ERBB4: variants seen among roughly 807,000 people sequenced by gnomAD.
ERBB4 encodes erb-b2 receptor tyrosine kinase 4, also known as receptor tyrosine-protein kinase erbB-4.
Under a neutral mutation model 158.0 loss-of-function variants are expected in ERBB4, and 42 were observed. That is an observed-to-expected ratio of 0.27 (90% CI 0.21 to 0.34). The LOEUF is 0.34. Among genes scored for constraint, ERBB4 ranks in the 10% least tolerant of loss-of-function variants. ERBB4 has a pLI of 1.00. For missense variants in ERBB4, 1,333 were observed against 1,624.1 expected (o/e 0.82, Z 3.08); for synonymous variants, 583 against 558.7 (o/e 1.04, Z -0.61).
chr2:212,103,661 G>T (rs2079145408), intron 2 of ERBB4, among the ~76,000 whole-genome samples: 1 of 150,970 alleles, frequency 6.6e-6, no homozygotes, highest in South Asian at 2.1e-4. Context: ...GGAATGGAGG[G>T]ATTCATTAGA....
intron 20 of ERBB4, among the ~76,000 whole-genome samples, chr2:211,452,102 G>C (rs1457628553): frequency 6.6e-6 from 1 of 152,134 alleles, no homozygotes; most frequent in Non-Finnish European, 1.5e-5. Context: ...CACTGCACCT[G>C]ATTTGAAGAT....
intron 1 of ERBB4, among the ~76,000 whole-genome samples, chr2:212,284,197 C>T (rs987485432): frequency 2.6e-5 from 4 of 152,090 alleles, no homozygotes; most frequent in Non-Finnish European, 5.9e-5. Flanking sequence ...GAAACTCCAT[C>T]TGAGTCTCTA....
At chr2:212,166,666 G>A (rs890629192) in intron 1 of ERBB4, among the ~76,000 whole-genome samples, 1 of 151,924 alleles carries the variant, frequency 6.6e-6, no homozygotes, top group Admixed American at 6.6e-5. Context: ...CAAAACGGGA[G>A]GCATCACGCT....
chr2:212,028,098 A>G (rs906767170), intron 2 of ERBB4, among the ~76,000 whole-genome samples: 1 of 152,100 alleles, frequency 6.6e-6, no homozygotes, highest in African/African-American at 2.4e-5. Flanking sequence ...TGTGAATGCC[A>G]ACACTTCCTT....
Position 211,429,761 on chromosome 2 carries a change from C to G in ERBB4, c.2643+1184G>C, listed in dbSNP as rs572493344. ...ACATTGAAAGTAATTTCCCTACGGG[C>G]AAGGAGTTAGCAGACTTTATGGACT... is the stretch of plus-strand genomic sequence containing the variant. On this transcript the variant is annotated intron_variant, in intron 21 of 27. Transcript: ENST00000342788. 1.4e-4 allele frequency among the ~76,000 whole-genome samples: 22 copies of G among 152,300 alleles called. 1 individual carries two copies. In the South Asian group the frequency reaches 3.3e-3, roughly 23 times the overall value.
chr2:212,184,287 C>A (rs975572605), intron 1 of ERBB4, among the ~76,000 whole-genome samples: 1 of 152,012 alleles, frequency 6.6e-6, no homozygotes, highest in African/African-American at 2.4e-5. Context: ...TAATCATGTT[C>A]TAAGACCCTG....
intron 1 of ERBB4, among the ~76,000 whole-genome samples, chr2:212,165,850 A>G (rs562044292): frequency 6.6e-6 from 1 of 152,228 alleles, no homozygotes; most frequent in East Asian, 1.9e-4. Flanking sequence ...ACACAATGCC[A>G]ACTGTCACAT....
At chr2:212,421,378 G>A (rs901896457) in intron 1 of ERBB4, among the ~76,000 whole-genome samples, 2 of 152,000 alleles carry the variant, frequency 1.3e-5, no homozygotes, top group African/African-American at 4.8e-5. Flanking sequence ...CAGACTAAAG[G>A]CTCTTCATGC....
intron 20 of ERBB4, among the ~76,000 whole-genome samples, chr2:211,533,079 A>T (rs2066545051): frequency 6.6e-6 from 1 of 151,750 alleles, no homozygotes; most frequent in Admixed American, 6.6e-5. Context: ...TATATCATGT[A>T]GATATTTCTA....
intron 1 of ERBB4, among the ~76,000 whole-genome samples, chr2:212,252,429 A>G (rs968256868): frequency 6.6e-6 from 1 of 151,988 alleles, no homozygotes; most frequent in African/African-American, 2.4e-5. Flanking sequence ...CTGATAGATC[A>G]ACGAAGACTA....
chr2:211,471,269 TG>T (rs1324088100), intron 20 of ERBB4, among the ~76,000 whole-genome samples: 1 of 152,098 alleles, frequency 6.6e-6, no homozygotes, highest in Non-Finnish European at 1.5e-5. Context: ...CAGCCTCAGA[TG>T]ATATCACCTG....
intron 2 of ERBB4, among the ~76,000 whole-genome samples, chr2:212,104,475 A>G (rs1417756303): frequency 2.6e-5 from 4 of 152,136 alleles, no homozygotes; most frequent in Non-Finnish European, 5.9e-5. Flanking sequence ...CTTCATAACA[A>G]AAATATAATA....
intron 4 of ERBB4, among the ~76,000 whole-genome samples, chr2:211,771,641 T>C (rs1447038404): frequency 2.0e-5 from 3 of 152,204 alleles, no homozygotes; most frequent in African/African-American, 4.8e-5. Flanking sequence ...CAAATGCTTT[T>C]TCTTTACAAA....
chr2:211,824,153 G>A (rs1014972917), intron 3 of ERBB4, among the ~76,000 whole-genome samples: 5 of 151,918 alleles, frequency 3.3e-5, no homozygotes, highest in African/African-American at 1.2e-4. Flanking sequence ...TACGAGTACT[G>A]CTTAAAAATA....
chr2:212,203,734 T>A (rs1312048455), intron 1 of ERBB4, among the ~76,000 whole-genome samples: 1 of 152,224 alleles, frequency 6.6e-6, no homozygotes, highest in African/African-American at 2.4e-5. Flanking sequence ...ACTTCCTATC[T>A]TTTTGGAAGA....
intron 2 of ERBB4, among the ~76,000 whole-genome samples, chr2:212,123,933 T>C (rs1307985217): frequency 6.6e-6 from 1 of 152,226 alleles, no homozygotes; most frequent in Non-Finnish European, 1.5e-5. Flanking sequence ...AAATGTATTC[T>C]AGGGAAGCTA....
At chr2:212,438,085 C>CTTTG (rs779791264) in intron 1 of ERBB4, among the ~76,000 whole-genome samples, 3 of 151,854 alleles carry the variant, frequency 2.0e-5, no homozygotes, top group South Asian at 2.1e-4. Flanking sequence ...ATGGTGGCTG[C>CTTTG]TTTGTTTGTT....
At chr2:211,904,249 T>G (rs1430433789) in intron 3 of ERBB4, among the ~76,000 whole-genome samples, 2 of 152,032 alleles carry the variant, frequency 1.3e-5, no homozygotes, top group African/African-American at 4.8e-5. Flanking sequence ...ATAAACCAGC[T>G]CTCTTAAAAT....
At chr2:212,172,352 G>A (rs2081543264) in intron 1 of ERBB4, among the ~76,000 whole-genome samples, 1 of 152,134 alleles carries the variant, frequency 6.6e-6, no homozygotes, top group Non-Finnish European at 1.5e-5. Context: ...GGAAAACACT[G>A]TGGTGATTCC....
Sources: allele counts gnomAD v4.1 joint callset (sites outside exome capture counted in the v4.1 genomes callset), GRCh38; gene constraint gnomAD v4.1.1; transcripts MANE v1.5; gene names NCBI Gene and HGNC (gene_info 2026-07-23, HGNC 2026-07-21).